The following RAD51B variants were observed in gnomAD, a reference collection of about 807,000 sequenced individuals.
The protein encoded by RAD51B is RAD51 paralog B.
A neutral mutation model predicts 42.2 loss-of-function variants in RAD51B; 38 were observed. The ratio of observed to expected loss-of-function variants is 0.90; its 90% CI spans 0.70 to 1.18. RAD51B has a LOEUF of 1.18. Ranked by LOEUF, RAD51B falls within the 50% of genes most tolerant of loss-of-function variation. The pLI, the probability that RAD51B is intolerant of heterozygous loss-of-function variation, is 0.00. For missense variants in RAD51B, 373 were observed against 400.7 expected, an observed-to-expected ratio of 0.93 and a Z score of 0.59; for synonymous variants, 154 against 145.2, an observed-to-expected ratio of 1.06 and a Z score of -0.43.
downstream of RAD51B, among the ~76,000 whole-genome samples, chr14:68,613,269 T>C (rs1481695315): frequency 6.6e-6 from 1 of 151,236 alleles, no homozygotes; most frequent in Non-Finnish European, 1.5e-5. Flanking sequence ...TACAAAACAA[T>C]TAGCCAGGCA....
At chr14:68,468,093 C>T (rs2086030009) in intron 9 of RAD51B, 79 bp from the exon 10 acceptor site, 1 of 1,231,940 alleles carries the variant, frequency 8.1e-7, no homozygotes. Context: ...ACCACTTTGT[C>T]TCAAAGTGGG....
At chr14:68,525,752 G>A (rs1886883460) in intron 10 of RAD51B, among the ~76,000 whole-genome samples, 1 of 152,186 alleles carries the variant, frequency 6.6e-6, no homozygotes, top group Non-Finnish European at 1.5e-5. Context: ...AGCCAGCACA[G>A]GGTCTGGGGG....
intron 7 of RAD51B, among the ~76,000 whole-genome samples, chr14:68,180,343 AG>A (rs1452026947): frequency 2.0e-5 from 3 of 152,100 alleles, no homozygotes; most frequent in Non-Finnish European, 2.9e-5. Flanking sequence ...AGTTTGTTCT[AG>A]CTAGTTGTGG....
chr14:68,234,795 T>C (rs1228547399), intron 7 of RAD51B, among the ~76,000 whole-genome samples: 3 of 152,214 alleles, frequency 2.0e-5, no homozygotes, highest in African/African-American at 7.2e-5. Flanking sequence ...CTGTAGATTT[T>C]ATAAACACTA....
chr14:68,174,053 G>A (rs2078920208), intron 7 of RAD51B, among the ~76,000 whole-genome samples: 1 of 152,174 alleles, frequency 6.6e-6, no homozygotes, highest in Non-Finnish European at 1.5e-5. Context: ...ATTAGCATTT[G>A]CCTATTAATT....
intron 10 of RAD51B, among the ~76,000 whole-genome samples, chr14:68,546,872 T>C (rs1594961236): frequency 6.6e-6 from 1 of 152,186 alleles, no homozygotes; most frequent in Non-Finnish European, 1.5e-5. Flanking sequence ...ACCATGTTAA[T>C]GTTAATGGCA....
chr14:68,195,832 C>G (rs1234604639), intron 7 of RAD51B, among the ~76,000 whole-genome samples: 2 of 139,418 alleles, frequency 1.4e-5, no homozygotes, highest in Non-Finnish European at 3.1e-5. Context: ...CCCTTGAACC[C>G]AGGAGGCAGA....
chr14:68,085,929 A>ACCCC (rs1167609321), intron 7 of RAD51B, among the ~76,000 whole-genome samples: 1 of 152,178 alleles, frequency 6.6e-6, no homozygotes. Flanking sequence ...TCTAGGGGTG[A>ACCCC]ATGTTTACAG....
rs190673659 is a variant in RAD51B at position 68,092,000 on chromosome 14, G to A, written c.757-199884G>A. 9.3e-3 allele frequency among the ~76,000 whole-genome samples: 1,418 copies of A among 152,302 alleles called. 22 individuals carry two copies. Among genetic ancestry groups the A allele is most frequent in the African/African-American group, 0.032 (1,347 of 41,558 alleles). ...TTTTTGTCAGGTTTGTCAAAGATCA[G>A]ATAGTTGTAGATATGTGGCATTATT... On this transcript the variant is annotated intron_variant, in intron 7 of 10. Transcript: ENST00000471583.
At chr14:67,849,918 C>T (rs2041747399) in intron 4 of RAD51B, among the ~76,000 whole-genome samples, 1 of 152,076 alleles carries the variant, frequency 6.6e-6, no homozygotes, top group Non-Finnish European at 1.5e-5. Flanking sequence ...TACTGTGATT[C>T]TTTGGTGGTG....
chr14:68,022,723 G>T (rs1256138489), intron 7 of RAD51B, among the ~76,000 whole-genome samples: 1 of 151,912 alleles, frequency 6.6e-6, no homozygotes, highest in Non-Finnish European at 1.5e-5. Context: ...GCATGTTGTG[G>T]GGTTTGGTGT....
intron 7 of RAD51B, among the ~76,000 whole-genome samples, chr14:68,267,328 G>A (rs1252282588): frequency 6.6e-6 from 1 of 151,964 alleles, no homozygotes; most frequent in Non-Finnish European, 1.5e-5. Context: ...TGCACAACTG[G>A]GGTAAGACAA....
intron 7 of RAD51B, among the ~76,000 whole-genome samples, chr14:68,123,268 G>T (rs1045856540): frequency 6.9e-6 from 1 of 144,842 alleles, no homozygotes; most frequent in Non-Finnish European, 1.5e-5. Context: ...GCTTACTCCA[G>T]CCTCAACCTC....
At chr14:68,133,862 A>G (rs2077953412) in intron 7 of RAD51B, among the ~76,000 whole-genome samples, 2 of 152,186 alleles carry the variant, frequency 1.3e-5, no homozygotes, top group South Asian at 2.1e-4. Context: ...GTACAAAGAA[A>G]TGTACAGCGA....
intron 7 of RAD51B, among the ~76,000 whole-genome samples, chr14:68,021,714 T>C (rs529237849): frequency 1.3e-5 from 2 of 152,354 alleles, no homozygotes; most frequent in Admixed American, 1.3e-4. Context: ...AGCAATAAAG[T>C]GGGCAACACA....
intron 7 of RAD51B, among the ~76,000 whole-genome samples, chr14:67,915,786 CT>C (rs1445569103): frequency 2.0e-5 from 3 of 152,136 alleles, no homozygotes; most frequent in Non-Finnish European, 2.9e-5. Flanking sequence ...AGTCTGTGTC[CT>C]TACTTTCTAA....
intron 10 of RAD51B, among the ~76,000 whole-genome samples, chr14:68,577,577 T>G (rs1253163024): frequency 6.6e-6 from 1 of 151,872 alleles, no homozygotes; most frequent in East Asian, 1.9e-4. Context: ...GAGCCAGGGT[T>G]CAACATGCTC....
chr14:68,231,737 TAGAGA>T (rs1348674864), intron 7 of RAD51B, among the ~76,000 whole-genome samples: 1 of 152,188 alleles, frequency 6.6e-6, no homozygotes, highest in East Asian at 1.9e-4. Flanking sequence ...TCTTTTCTAG[TAGAGA>T]AGAGAAGCAG....
chr14:68,334,008 A>C (rs1357151327), intron 8 of RAD51B, among the ~76,000 whole-genome samples: 1 of 152,148 alleles, frequency 6.6e-6, no homozygotes, highest in African/African-American at 2.4e-5. Flanking sequence ...TGGATTCCAC[A>C]AAGAAGTGAA....
Sources: allele counts gnomAD v4.1 joint callset (sites outside exome capture counted in the v4.1 genomes callset), GRCh38; gene constraint gnomAD v4.1.1; transcripts MANE v1.5; gene names NCBI Gene and HGNC (gene_info 2026-07-23, HGNC 2026-07-21).